MRI1: variants seen among roughly 807,000 people sequenced by gnomAD.
MRI1 encodes the protein methylthioribose-1-phosphate isomerase.
In MRI1, 32 loss-of-function variants were observed where a neutral mutation model predicts 27.3. The ratio of observed to expected loss-of-function variants is 1.17; its 90% CI spans 0.88 to 1.57. The LOEUF (loss-of-function observed/expected upper bound fraction) is 1.57, where lower values mean the gene tolerates loss of function less well. Ranked by LOEUF, MRI1 falls within the 40% of genes most tolerant of loss-of-function variation. The probability of loss-of-function intolerance (pLI) is 0.00; values close to 1 mark genes in which losing one functional copy is unlikely to be tolerated. For missense variants in MRI1, 508 were observed against 516.1 expected (o/e 0.98, Z 0.15); for synonymous variants, 216 against 227.4 (o/e 0.95, Z 0.45).
intron 3 of MRI1, among the ~76,000 whole-genome samples, chr19:13,767,271 T>G (rs2145195623): frequency 6.6e-6 from 1 of 151,890 alleles, no homozygotes; most frequent in South Asian, 2.1e-4. Flanking sequence ...GGTCTCGAAC[T>G]TCTGACCTTA....
rs369252426 is a variant in MRI1 at position 13,768,446 on chromosome 19, C to T, written c.548-115C>T. 8.3e-6 allele frequency: 13 copies of T among 1,562,124 alleles called. 1 individual carries two copies. The South Asian group carries it at 9.4e-5, about 11-fold the overall frequency. On this transcript the variant is annotated intron_variant, in intron 3 of 5. Transcript: ENST00000040663. ...GAGGGCCCCTGGGCGGGACTGTGCT[C>T]GGTAAGCCTTTGGCAATCCACGCCC...
chr19:13,765,494 G>T (rs1437028753), intron 2 of MRI1, among the ~76,000 whole-genome samples: 1 of 151,796 alleles, frequency 6.6e-6, no homozygotes, highest in Non-Finnish European at 1.5e-5. Flanking sequence ...CTTCCTTTCT[G>T]CTCCAGCCCT....
chr19:13,769,884 C>T (rs1014708078), intron 5 of MRI1, among the ~76,000 whole-genome samples: 2 of 151,564 alleles, frequency 1.3e-5, no homozygotes, highest in African/African-American at 2.4e-5. Context: ...TACACCATTG[C>T]ACTCCAGCCT....
Position 13,768,474 on chromosome 19 carries a change from A to G in MRI1, c.548-87A>G, listed in dbSNP as rs184093445. On this transcript the variant is annotated intron_variant, in intron 3 of 5. Coordinates refer to ENST00000040663, the MANE Select transcript of MRI1 (RefSeq NM_001031727.4). The stretch of plus-strand genomic sequence containing the variant: ...TAAGCCTTTGGCAATCCACGCCCAG[A>G]CTAGGAGCCTGCACCCCTAACCAAT... 191 of 1,584,770 alleles carry G rather than the reference A, an allele frequency of 1.2e-4. 2 individuals are homozygous for G. The East Asian group carries it at 4.3e-3, about 36-fold the overall frequency.
intron 1 of MRI1, 62 bp downstream of exon 1, chr19:13,764,782 G>T (rs1458015690): frequency 1.8e-6 from 2 of 1,102,302 alleles, no homozygotes; most frequent in Non-Finnish European, 2.3e-6. Flanking sequence ...CGGCGGGGCG[G>T]CGGGGCGGCG....
chr19:13,767,027 ATATATATATATTTTTTTTTTTTTTTTTT>A (rs1200071767), intron 3 of MRI1, among the ~76,000 whole-genome samples: 1 of 17,536 alleles, frequency 5.7e-5, no homozygotes, highest in Non-Finnish European at 1.3e-4. Context: ...ATATATATAT[ATATATATATATTTTTTTTTTTTTTTTTT>A]TTTTTTTTTT....
intron 5 of MRI1, 32 bp downstream of exon 5, chr19:13,769,080 A>G: frequency 6.4e-7 from 1 of 1,557,424 alleles, no homozygotes; most frequent in Non-Finnish European, 8.8e-7. Context: ...GGGACACCCC[A>G]GCTCCTGGGC....
chr19:13,768,291 G>A (rs746642716), intron 3 of MRI1: 2 of 798,224 alleles, frequency 2.5e-6, no homozygotes, highest in Non-Finnish European at 4.3e-6. Context: ...GAAACTGAAA[G>A]TGTGGGGATT....
In MRI1 at chr19:13,773,050, C is replaced by G. The variant is rs976380897; in HGVS notation, c.*769C>G. On this transcript the variant is annotated 3_prime_UTR_variant, in exon 6 of 6. Coordinates refer to ENST00000040663, the MANE Select transcript of MRI1 (RefSeq NM_001031727.4). The stretch of plus-strand genomic sequence containing the variant: ...TTTGAGATCAAGTATCACTCGTTAC[C>G]CAGGCTGGAATGTAGAGGCGAGATC... 7.3e-5 allele frequency: 11 copies of G among 151,166 alleles called. No homozygotes were observed. Among genetic ancestry groups the G allele is most frequent in the Non-Finnish European group, 1.3e-4 (9 of 67,828 alleles). 9.4% of individuals were successfully genotyped at this position (151,166 alleles called of 1,614,324 possible). A position where few individuals can be genotyped will look rare whatever the true frequency, so the allele number is the denominator to read the frequency against.
chr19:13,772,088 C>A, intron 5 of MRI1, 33 bp from the exon 6 acceptor site: 2 of 1,568,068 alleles, frequency 1.3e-6, no homozygotes, highest in East Asian at 2.3e-5. Flanking sequence ...GAAGCAAATT[C>A]TTGCCTCCTT....
chr19:13,769,002 G>T lies in MRI1; in HGVS notation c.903G>T (p.Pro301=), dbSNP rs538059263. The change falls in exon 5 of 6, where the codon CCG becomes CCT. Residue 301 remains proline (P), a synonymous_variant. Coordinates refer to ENST00000040663, the MANE Select transcript of MRI1 (RefSeq NM_001031727.4). The part of the protein sequence containing the change: ...TGKEIIIEER[P]GQELTDVNGV... ...AGGAGATCATTATTGAAGAGCGACCGGGCCAGGAGCTGACCGATGTTAATG... is the reference window on the plus strand; with the variant it reads ...AGGAGATCATTATTGAAGAGCGACCTGGCCAGGAGCTGACCGATGTTAATG... 2.5e-5 allele frequency: 40 copies of T among 1,613,756 alleles called. 1 individual carries two copies. The South Asian group carries it at 4.4e-4, about 18-fold the overall frequency.
At chr19:13,765,476 T>C (rs1329088371) in intron 2 of MRI1, among the ~76,000 whole-genome samples, 4 of 151,984 alleles carry the variant, frequency 2.6e-5, no homozygotes, top group Non-Finnish European at 4.4e-5. Flanking sequence ...GCCATCTTTT[T>C]CCCCCCACTT....
Position 13,773,886 on chromosome 19 carries a change from G to C in MRI1, c.*1605G>C, listed in dbSNP as rs1974324880. 6.6e-6 allele frequency: 1 copy of C among 152,356 alleles called. No individual in the cohort carries two copies. The highest frequency in any genetic ancestry group is 2.4e-5 in the African/African-American group (1 of 41,436). The allele number at this position is 152,356 out of a possible 1,614,324, so 9.4% of individuals were successfully genotyped here. A position where few individuals can be genotyped will look rare whatever the true frequency, so the allele number is the denominator to read the frequency against. On this transcript the variant is annotated 3_prime_UTR_variant, in exon 6 of 6. Coordinates refer to ENST00000040663, the MANE Select transcript of MRI1 (RefSeq NM_001031727.4). ...GGCTGGTCTCCAACTCCTGACCTCG[G>C]GTGATCCGCGCCCCGCGGCCTCCGA...
intron 3 of MRI1, among the ~76,000 whole-genome samples, chr19:13,767,025 ATATATATATATATTTTTTTTT>A (rs1285041901): frequency 7.3e-5 from 1 of 13,720 alleles, no homozygotes; most frequent in Admixed American, 6.4e-4. Context: ...ATATATATAT[ATATATATATATATTTTTTTTT>A]TTTTTTTTTT....
chr19:13,768,449 T>C, intron 3 of MRI1, 112 bp from the exon 4 acceptor site: 1 of 1,565,414 alleles, frequency 6.4e-7, no homozygotes, highest in Non-Finnish European at 8.7e-7. Flanking sequence ...CTGTGCTCGG[T>C]AAGCCTTTGG....
chr19:13,773,408 C>G lies in MRI1; in HGVS notation c.*1127C>G, dbSNP rs1172096452. Reference sequence around the variant, plus strand: ...TAATTCCAGCACTTTGGGAGGATCCCTTGAGCCCAGGTGTTTGAGACCAGT... The same window carrying G: ...TAATTCCAGCACTTTGGGAGGATCCGTTGAGCCCAGGTGTTTGAGACCAGT... On this transcript the variant is annotated 3_prime_UTR_variant, in exon 6 of 6. Coordinates refer to ENST00000040663, the MANE Select transcript of MRI1 (RefSeq NM_001031727.4). The G allele has an allele frequency of 1.3e-5, 2 of 152,024 alleles. No homozygotes were observed. The highest frequency in any genetic ancestry group is 6.6e-5 in the Admixed American group (1 of 15,258). The allele number at this position is 152,024 out of a possible 1,614,324, so 9.4% of individuals were successfully genotyped here.
Position 13,768,620 on chromosome 19 carries a change from C to G in MRI1, c.607C>G (p.Arg203Gly). Reference protein sequence around the residue: ...RLEHAFCTETRPYNQGARLTA... With the variant: ...RLEHAFCTETGPYNQGARLTA... ...GGAGCATGCCTTCTGCACAGAGACC[C>G]GGCCCTACAACCAGGGAGCCCGGCT... Residue 203 changes from arginine to glycine, a missense_variant, in exon 4 of 6, where the codon CGG becomes GGG. Arg to Gly is a moderately radical substitution (Grantham distance 125). Transcript: ENST00000040663. 1.9e-6 allele frequency: 3 copies of G among 1,613,134 alleles called. No homozygotes were observed. The highest frequency in any genetic ancestry group is 2.5e-6 in the Non-Finnish European group (3 of 1,179,772).
intron 3 of MRI1, among the ~76,000 whole-genome samples, chr19:13,766,902 T>C (rs75796905): frequency 0.015 from 2,212 of 150,996 alleles, 50 homozygotes; most frequent in African/African-American, 0.051. Context: ...TCCTTCAATA[T>C]CTGTGGGGGA....
chr19:13,766,035 C>G lies in MRI1; in HGVS notation c.453C>G (p.Leu151=), dbSNP rs770138569. 6.2e-7 allele frequency: 1 copy of G among 1,613,272 alleles called. No individual in the cohort carries two copies. The highest frequency in any genetic ancestry group is 1.7e-5 in the Admixed American group (1 of 59,962). ...RSIGDLGARH[L]LERVAPSGGK... ...TTGGGGACCTAGGAGCCCGCCACCT[C>G]CTGGAGCGGGTGGCCCCCAGCGGTG... The change falls in exon 3 of 6, where the codon CTC becomes CTG. Residue 151 remains leucine (L), a synonymous_variant. Coordinates refer to ENST00000040663, the MANE Select transcript of MRI1 (RefSeq NM_001031727.4).
Sources: gnomAD v4.1 joint callset for allele counts (sites outside exome capture counted in the v4.1 genomes callset) on GRCh38, gnomAD v4.1.1 for gene constraint, MANE v1.5 for transcripts, NCBI Gene and HGNC (gene_info 2026-07-23, HGNC 2026-07-21) for gene names.